Variants in MYO7B observed in about 807,000 individuals in gnomAD.
MYO7B encodes unconventional myosin-VIIb.
Under a neutral mutation model 259.7 loss-of-function variants are expected in MYO7B, and 212 were observed. The ratio of observed to expected loss-of-function variants is 0.82; its 90% CI spans 0.73 to 0.91. The LOEUF is 0.91. Among genes scored for constraint, MYO7B ranks in the 40% least tolerant of loss-of-function variants. The pLI is 0.00. For synonymous variants in MYO7B, 1,197 were observed against 1,166.4 expected, an observed-to-expected ratio of 1.03 and a Z score of -0.54; for missense variants, 2,732 against 2,813.5, an observed-to-expected ratio of 0.97 and a Z score of 0.66.
intron 39 of MYO7B, 79 bp from the exon 40 acceptor site, chr2:127,633,179 T>G: frequency 8.9e-7 from 1 of 1,123,060 alleles, no homozygotes; most frequent in Non-Finnish European, 1.3e-6. Context: ...GGCACATGGT[T>G]TAGGGCCCAC....
rs112429330 is a variant in MYO7B at position 127,635,576 on chromosome 2, C to T, written c.5821-146C>T. On this transcript the variant is annotated intron_variant, in intron 43 of 47. Transcript: ENST00000409816. Reference sequence around the variant, plus strand: ...GCCCTGCCCTGACTCAGGGTCATTCCCCTGGCCTGAAACTCTCTACCCTGC... The same window carrying T: ...GCCCTGCCCTGACTCAGGGTCATTCTCCTGGCCTGAAACTCTCTACCCTGC... 1.7e-5 allele frequency: 15 copies of T among 873,536 alleles called. No individual in the cohort carries two copies. The African/African-American group carries it at 2.2e-4, about 13-fold the overall frequency. The allele number at this position is 873,536 out of a possible 1,614,324, so 54.1% of individuals were successfully genotyped here. A position where few individuals can be genotyped will look rare whatever the true frequency, so the allele number is the denominator to read the frequency against.
chr2:127,569,852 C>T lies in MYO7B; in HGVS notation c.534C>T (p.Ile178=), dbSNP rs1366467809. The T allele has an allele frequency of 1.9e-6, 3 of 1,613,518 alleles. No homozygotes were observed. The highest frequency in any genetic ancestry group is 4.5e-5 in the East Asian group (2 of 44,866). Residue 178 remains isoleucine (I), a synonymous_variant, in exon 6 of 48, where the codon ATC becomes ATT. Transcript: ENST00000409816. ...TCATCCTGCAGTTCCTGGCCACCATCAGTGGCCAGCATTCGTGGATTGAGC... is the reference window on the plus strand; with the variant it reads ...TCATCCTGCAGTTCCTGGCCACCATTAGTGGCCAGCATTCGTGGATTGAGC... The part of the protein sequence containing the change: ...TKLILQFLAT[I]SGQHSWIEQQ...
intron 3 of MYO7B, among the ~76,000 whole-genome samples, chr2:127,564,490 G>T (rs1678247749): frequency 6.6e-6 from 1 of 152,214 alleles, no homozygotes; most frequent in Non-Finnish European, 1.5e-5. Context: ...AGGGGCTCTG[G>T]AAGGGCCAGA....
rs533803045 is a variant in MYO7B, at chr2:127,586,145, G to A, written c.1690+1232G>A. Among the ~76,000 whole-genome samples, 1 of 152,260 alleles carries A rather than the reference G, an allele frequency of 6.6e-6. No individual in the cohort carries two copies. The highest frequency in any genetic ancestry group is 1.9e-4 in the East Asian group (1 of 5,188). On this transcript the variant is annotated intron_variant, in intron 14 of 47. Transcript: ENST00000409816. The surrounding 1 kb of genome is among the most constrained non-coding windows in gnomAD (Gnocchi z 4.8). ...CCAGGGTCAAATACAAAGTCATGAA[G>A]ATTTATCCCTATGTTTTCTTCTAAG...
In MYO7B at chr2:127,544,826, C is replaced by T. The variant is rs886728367; in HGVS notation, c.-24+8995C>T. Among the ~76,000 whole-genome samples the T allele has an allele frequency of 3.9e-5, 6 of 151,940 alleles. No homozygotes were observed. In the East Asian group the frequency reaches 5.8e-4, roughly 15 times the overall value. On this transcript the variant is annotated intron_variant, in intron 1 of 47. Coordinates refer to ENST00000409816, the MANE Select transcript of MYO7B (RefSeq NM_001393586.1). Reference sequence around the variant, plus strand: ...CGATCTCCTGACCTCGTGATCCACCCGCCTCGGCCTCCCAAAGTACTGGGA... The same window carrying T: ...CGATCTCCTGACCTCGTGATCCACCTGCCTCGGCCTCCCAAAGTACTGGGA...
rs1461164592 is a variant in MYO7B, at chr2:127,605,890, T to C, written c.2386T>C (p.Trp796Arg). The change falls in exon 20 of 48, where the codon TGG (tryptophan) becomes CGG (arginine). Residue 796 changes from tryptophan to arginine, a missense_variant. This residue lies in a region of MYO7B where 1,906 missense variants were observed against 2,026.4 expected (regional missense o/e 0.94). Coordinates refer to ENST00000409816, the MANE Select transcript of MYO7B (RefSeq NM_001393586.1). ...GCGGGCAGCTGTGACCCTGCAGGCC[T>C]GGTGGAGAGGCTACTGCAACAGGAG... is the stretch of plus-strand genomic sequence containing the variant. ...QRRAAVTLQA[W>R]WRGYCNRRNF... 1.2e-6 allele frequency: 2 copies of C among 1,613,772 alleles called. No individual in the cohort carries two copies. Among genetic ancestry groups the C allele is most frequent in the African/African-American group, 2.7e-5 (2 of 75,036 alleles).
rs1681524632 is a variant in MYO7B at position 127,631,763 on chromosome 2, G to C, written c.5249+10G>C. 9 of 1,611,242 alleles carry C rather than the reference G, an allele frequency of 5.6e-6. No homozygotes were observed. The highest frequency in any genetic ancestry group is 7.6e-6 in the Non-Finnish European group (9 of 1,179,098). On this transcript the variant is annotated intron_variant, in intron 38 of 47. Coordinates refer to ENST00000409816, the MANE Select transcript of MYO7B (RefSeq NM_001393586.1). Reference sequence around the variant, plus strand: ...CGCACAACTCCAACAGGTCTGCTGGGGCGGCGGCCAGCCCACGCGGGCACC... The same window carrying C: ...CGCACAACTCCAACAGGTCTGCTGGCGCGGCGGCCAGCCCACGCGGGCACC...
intron 9 of MYO7B, among the ~76,000 whole-genome samples, chr2:127,580,369 G>A (rs544213591): frequency 2.2e-4 from 34 of 152,270 alleles, no homozygotes; most frequent in African/African-American, 7.9e-4. Context: ...CGAAATGTCC[G>A]GGTTTCCACA....
chr2:127,629,081 GCCGGGTGGTCATGGGC>G (rs771869775), intron 34 of MYO7B, among the ~76,000 whole-genome samples: 27 of 152,340 alleles, frequency 1.8e-4, no homozygotes, highest in Non-Finnish European at 2.8e-4. Context: ...CAGCCTGCTG[GCCGGGTGGTCATGGGC>G]GGTGGGTGGT....
chr2:127,622,516 G>T (rs1054567497), intron 28 of MYO7B, among the ~76,000 whole-genome samples: 1 of 152,160 alleles, frequency 6.6e-6, no homozygotes, highest in Non-Finnish European at 1.5e-5. Context: ...TGTCATCTGT[G>T]AATTCTCGCT....
chr2:127,589,977 T>C, intron 15 of MYO7B, 115 bp from the exon 16 acceptor site: 1 of 1,203,376 alleles, frequency 8.3e-7, no homozygotes, highest in Non-Finnish European at 1.2e-6. Flanking sequence ...CTTGAATAGG[T>C]AGATGCACCA....
chr2:127,634,605 C>T lies in MYO7B; in HGVS notation c.5635C>T (p.Gln1879Ter). ...CCTTCCCCTTCCCCAGGTCATCAGCCAGAAGGAGGGAGACTTCTTCTTTGA... is the reference window on the plus strand; with the variant it reads ...CCTTCCCCTTCCCCAGGTCATCAGCTAGAAGGAGGGAGACTTCTTCTTTGA... ...FIKISDKVIS[Q>*]KEGDFFFDSL... Residue 1879 changes from glutamine to a stop codon, truncating the protein, a stop_gained, in exon 42 of 48, where the codon CAG becomes TAG. Coordinates refer to ENST00000409816, the MANE Select transcript of MYO7B (RefSeq NM_001393586.1). LOFTEE classifies it high-confidence loss of function. The T allele has an allele frequency of 6.2e-7, 1 of 1,611,986 alleles. No individual in the cohort carries two copies. Among genetic ancestry groups the T allele is most frequent in the Non-Finnish European group, 8.5e-7 (1 of 1,179,052 alleles).
intron 19 of MYO7B, among the ~76,000 whole-genome samples, chr2:127,604,722 T>A (rs1416407762): frequency 6.6e-6 from 1 of 152,154 alleles, no homozygotes; most frequent in Non-Finnish European, 1.5e-5. Flanking sequence ...CTAATTTTAG[T>A]ATCGCTGTGT....
chr2:127,542,688 G>C (rs1573601460), intron 1 of MYO7B, among the ~76,000 whole-genome samples: 1 of 152,282 alleles, frequency 6.6e-6, no homozygotes, highest in Non-Finnish European at 1.5e-5. Context: ...AGTGGGCCCA[G>C]GGGACCGGTG....
At position 127,590,545 on chromosome 2, in the gene MYO7B, G is replaced by T. The variant is rs1257722687; in HGVS notation, c.1992+316G>T. Among the ~76,000 whole-genome samples, 1 of 152,250 alleles carries T rather than the reference G, an allele frequency of 6.6e-6. No individual in the cohort carries two copies. The highest frequency in any genetic ancestry group is 1.5e-5 in the Non-Finnish European group (1 of 68,048). ...AAGTCAGACTTGCTCCTGCCTGCAG[G>T]AATGCACTGAGGGTTGGACATGAGG... On this transcript the variant is annotated intron_variant, in intron 16 of 47. Coordinates refer to ENST00000409816, the MANE Select transcript of MYO7B (RefSeq NM_001393586.1). The surrounding 1 kb of genome is among the most constrained non-coding windows in gnomAD (Gnocchi z 4.6).
chr2:127,559,183 C>T lies in MYO7B; in HGVS notation c.-23-517C>T, dbSNP rs1573618966. Among the ~76,000 whole-genome samples, 1 of 152,202 alleles carries T rather than the reference C, an allele frequency of 6.6e-6. No homozygotes were observed. The highest frequency in any genetic ancestry group is 2.4e-5 in the African/African-American group (1 of 41,444). On this transcript the variant is annotated intron_variant, in intron 1 of 47. Coordinates refer to ENST00000409816, the MANE Select transcript of MYO7B (RefSeq NM_001393586.1). This position sits in a 1 kb window ranked among gnomAD's most constrained non-coding sequence, Gnocchi z 4.1. Reference sequence around the variant, plus strand: ...CTGCTCCCTCTAGAACCACCAGGTGCTAAGGACAGGTTTGAAAGGAGGCAG... The same window carrying T: ...CTGCTCCCTCTAGAACCACCAGGTGTTAAGGACAGGTTTGAAAGGAGGCAG...
At chr2:127,574,996 T>C (rs537038033) in intron 7 of MYO7B, among the ~76,000 whole-genome samples, 1 of 152,044 alleles carries the variant, frequency 6.6e-6, no homozygotes, top group South Asian at 2.1e-4. Flanking sequence ...GCATAACACC[T>C]AACACATGCA....
At chr2:127,587,788 C>T (rs1679361096) in intron 14 of MYO7B, among the ~76,000 whole-genome samples, 3 of 152,040 alleles carry the variant, frequency 2.0e-5, no homozygotes, top group African/African-American at 4.8e-5. Flanking sequence ...AGGCTGGTCT[C>T]GAACTCCTGA....
Position 127,617,808 on chromosome 2 carries a change from C to T in MYO7B, c.3399-2532C>T, listed in dbSNP as rs191185641. ...TGAGCCACCGCGCCCGGCCTTGTAACGGGGTTTCTTATTCATCTGGTTGGT... is the reference window on the plus strand; with the variant it reads ...TGAGCCACCGCGCCCGGCCTTGTAATGGGGTTTCTTATTCATCTGGTTGGT... On this transcript the variant is annotated intron_variant, in intron 26 of 47. Coordinates refer to ENST00000409816, the MANE Select transcript of MYO7B (RefSeq NM_001393586.1). Among the ~76,000 whole-genome samples the T allele has an allele frequency of 2.5e-3, 377 of 151,354 alleles. 4 individuals are homozygous for T. The highest frequency in any genetic ancestry group is 8.7e-3 in the African/African-American group (360 of 41,214).
Sources: gnomAD v4.1 joint callset for allele counts (sites outside exome capture counted in the v4.1 genomes callset) on GRCh38, gnomAD v4.1.1 for gene constraint, gnomAD v4.1.1 regional missense constraint, Gnocchi (gnomAD v3.1) non-coding constraint, MANE v1.5 for transcripts, NCBI Gene and HGNC (gene_info 2026-07-23, HGNC 2026-07-21) for gene names.